The following SPAG16 variants were observed in gnomAD, a reference collection of about 807,000 sequenced individuals.
SPAG16 encodes sperm associated antigen 16.
Under a neutral mutation model 80.4 loss-of-function variants are expected in SPAG16, and 86 were observed. That is an observed-to-expected ratio of 1.07 (90% CI 0.90 to 1.28). The LOEUF (loss-of-function observed/expected upper bound fraction) is 1.28. Among genes scored for constraint, SPAG16 ranks in the 50% most tolerant of loss-of-function variants. SPAG16 has a pLI of 0.00. For missense variants in SPAG16, 870 were observed against 765.3 expected, an observed-to-expected ratio of 1.14 and a Z score of -1.61; for synonymous variants, 294 against 265.9, an observed-to-expected ratio of 1.11 and a Z score of -1.03.
chr2:214,253,283 G>T (rs1024934678), intron 15 of SPAG16, among the ~76,000 whole-genome samples: 39 of 151,878 alleles, frequency 2.6e-4, no homozygotes, highest in Non-Finnish European at 4.4e-5. Flanking sequence ...AGTTTCTTTT[G>T]CTGTGCAGAA....
chr2:213,867,926 C>CAAAAAAAAAAAAAA (rs35795865), intron 11 of SPAG16, among the ~76,000 whole-genome samples: 15 of 45,866 alleles, frequency 3.3e-4, no homozygotes, highest in Middle Eastern at 0.015. Flanking sequence ...TCTGTCTCAA[C>CAAAAAAAAAAAAAA]AAAAAAAAAA....
chr2:213,482,087 C>T (rs751921046), intron 9 of SPAG16, among the ~76,000 whole-genome samples: 5 of 152,198 alleles, frequency 3.3e-5, no homozygotes, highest in Non-Finnish European at 7.3e-5. Flanking sequence ...AAAAACCCAA[C>T]TCAAATATCT....
At chr2:213,684,316 T>C (rs946659485) in intron 10 of SPAG16, among the ~76,000 whole-genome samples, 2 of 152,246 alleles carry the variant, frequency 1.3e-5, no homozygotes, top group African/African-American at 4.8e-5. Flanking sequence ...TTTTTAAGTT[T>C]ATACTAAAGG....
chr2:213,666,913 A>G (rs2063627325), intron 10 of SPAG16, among the ~76,000 whole-genome samples: 1 of 152,186 alleles, frequency 6.6e-6, no homozygotes, highest in Non-Finnish European at 1.5e-5. Flanking sequence ...TAGAATGGAA[A>G]TCTGGATACA....
intron 10 of SPAG16, among the ~76,000 whole-genome samples, chr2:213,761,942 A>T (rs190152304): frequency 2.0e-5 from 3 of 152,254 alleles, no homozygotes; most frequent in African/African-American, 7.2e-5. Context: ...ATATTGAGGC[A>T]AAAATGCTCA....
intron 10 of SPAG16, among the ~76,000 whole-genome samples, chr2:213,540,653 G>GA (rs1192767681): frequency 3.4e-4 from 52 of 152,256 alleles, no homozygotes; most frequent in African/African-American, 1.1e-3. Flanking sequence ...TCCATATTAT[G>GA]AAAAATAATA....
intron 15 of SPAG16, among the ~76,000 whole-genome samples, chr2:214,160,749 T>C (rs2056405241): frequency 6.6e-6 from 1 of 152,100 alleles, no homozygotes; most frequent in Non-Finnish European, 1.5e-5. Flanking sequence ...AATTTCTTGC[T>C]TTTTCATTTT....
At chr2:213,610,474 G>C (rs941078342) in intron 10 of SPAG16, among the ~76,000 whole-genome samples, 1 of 152,132 alleles carries the variant, frequency 6.6e-6, no homozygotes, top group African/African-American at 2.4e-5. Flanking sequence ...TTGCTGGCCA[G>C]ACCTCCTGTT....
chr2:214,065,350 A>G (rs1173851751), intron 13 of SPAG16, among the ~76,000 whole-genome samples: 6 of 152,162 alleles, frequency 3.9e-5, no homozygotes, highest in African/African-American at 1.4e-4. Context: ...ACTGTTATAT[A>G]TGGTATCGCA....
At chr2:214,139,718 C>T (rs1257172497) in intron 14 of SPAG16, among the ~76,000 whole-genome samples, 2 of 151,946 alleles carry the variant, frequency 1.3e-5, no homozygotes, top group Non-Finnish European at 2.9e-5. Flanking sequence ...TTTCTAATGG[C>T]CTGGGTAAAG....
chr2:213,551,776 T>C (rs1352809466), intron 10 of SPAG16, among the ~76,000 whole-genome samples: 1 of 152,162 alleles, frequency 6.6e-6, no homozygotes, highest in African/African-American at 2.4e-5. Context: ...AACAGTGACG[T>C]CCCCACTCCA....
At chr2:213,475,233 A>G (rs1416713760) in intron 9 of SPAG16, among the ~76,000 whole-genome samples, 4 of 152,178 alleles carry the variant, frequency 2.6e-5, no homozygotes, top group Admixed American at 2.6e-4. Flanking sequence ...ACCTGCCAAG[A>G]TCCCCCTAAA....
At chr2:213,307,792 A>G (rs796519468) in intron 3 of SPAG16, among the ~76,000 whole-genome samples, 57 of 152,228 alleles carry the variant, frequency 3.7e-4, no homozygotes, top group African/African-American at 1.4e-3. Context: ...AGTAGTTTAC[A>G]GTCCCACCAA....
intron 10 of SPAG16, among the ~76,000 whole-genome samples, chr2:213,514,358 C>T (rs2075341428): frequency 6.6e-6 from 1 of 151,940 alleles, no homozygotes; most frequent in Non-Finnish European, 1.5e-5. Context: ...ACAGTGAGCC[C>T]TCAACTTTGA....
intron 12 of SPAG16, among the ~76,000 whole-genome samples, chr2:213,945,582 G>A (rs2079416079): frequency 1.3e-5 from 2 of 152,010 alleles, no homozygotes; most frequent in Admixed American, 1.3e-4. Flanking sequence ...TGATTAGATG[G>A]TGCTCACCAG....
chr2:214,278,930 A>T (rs962442750), intron 15 of SPAG16, among the ~76,000 whole-genome samples: 1 of 152,214 alleles, frequency 6.6e-6, no homozygotes, highest in Non-Finnish European at 1.5e-5. Context: ...CAAGCAAGTG[A>T]TTCAAACACC....
At chr2:214,167,593 C>T (rs1486350521) in intron 15 of SPAG16, among the ~76,000 whole-genome samples, 1 of 152,066 alleles carries the variant, frequency 6.6e-6, no homozygotes, top group Admixed American at 6.6e-5. Flanking sequence ...TAGATCCCTT[C>T]TATATGCCCA....
In SPAG16 at chr2:214,381,239, C is replaced by T. The variant is rs963095355; in HGVS notation, c.1721-28901C>T. On this transcript the variant is annotated intron_variant, in intron 15 of 15. Transcript: ENST00000331683. The stretch of plus-strand genomic sequence containing the variant: ...AACATTTTTAAATGCTTAGTTCTTA[C>T]GAAGAAAACACATGCTAAAGCTAAA... Among the ~76,000 whole-genome samples, 19 of 152,258 alleles carry T rather than the reference C, an allele frequency of 1.2e-4. No individual in the cohort carries two copies. In the East Asian group the frequency reaches 1.9e-3, roughly 15 times the overall value.
At chr2:213,316,187 C>T (rs2063393033) in intron 4 of SPAG16, among the ~76,000 whole-genome samples, 1 of 152,006 alleles carries the variant, frequency 6.6e-6, no homozygotes. Flanking sequence ...CCACTCTGCT[C>T]CTCCTGCATT....
Sources: gnomAD v4.1 joint callset for allele counts (sites outside exome capture counted in the v4.1 genomes callset) on GRCh38, gnomAD v4.1.1 for gene constraint, MANE v1.5 for transcripts, NCBI Gene and HGNC (gene_info 2026-07-23, HGNC 2026-07-21) for gene names.